The following NXN variants were observed in gnomAD, a reference collection of about 807,000 sequenced individuals.
The protein encoded by NXN is nucleoredoxin 1.
NXN carries 16 observed loss-of-function variants against 48.6 expected under a neutral mutation model. That is an observed-to-expected ratio of 0.33 (90% CI 0.22 to 0.50). The LOEUF (loss-of-function observed/expected upper bound fraction) is 0.50, where lower values mean the gene tolerates loss of function less well. NXN is among the 20% of genes least tolerant of loss of function. NXN has a pLI of 0.98. For synonymous variants in NXN, 281 were observed against 269.6 expected (o/e 1.04, Z -0.41); for missense variants, 492 against 605.5 (o/e 0.81, Z 1.97).
At chr17:817,235 T>C (rs1249776837) in intron 5 of NXN, among the ~76,000 whole-genome samples, 10 of 152,060 alleles carry the variant, frequency 6.6e-5, no homozygotes, top group Admixed American at 6.6e-4. Context: ...AATCCAAATC[T>C]CCATTTTCAG....
chr17:809,293 C>T (rs1983706), intron 5 of NXN, among the ~76,000 whole-genome samples: 4,198 of 152,276 alleles, frequency 0.028, 130 homozygotes, highest in East Asian at 0.12. Context: ...ACATGAGTGG[C>T]GCCTACAGAC....
intron 5 of NXN, among the ~76,000 whole-genome samples, chr17:811,966 CG>C (rs1163098958): frequency 2.9e-5 from 4 of 137,550 alleles, no homozygotes; most frequent in South Asian, 4.7e-4. Context: ...CTCGCTCTGT[CG>C]CCCAGGCTGG....
At chr17:824,121 G>C (rs957365217) in intron 2 of NXN, among the ~76,000 whole-genome samples, 22 of 150,110 alleles carry the variant, frequency 1.5e-4, no homozygotes, top group Admixed American at 1.0e-3. Flanking sequence ...CTCACTGCAA[G>C]CTCCGCCTCC....
intron 1 of NXN, among the ~76,000 whole-genome samples, chr17:971,699 G>C (rs1039299998): frequency 2.7e-5 from 4 of 150,522 alleles, no homozygotes; most frequent in African/African-American, 9.8e-5. Flanking sequence ...GACAGAGCGA[G>C]ACTCCATCTC....
Position 819,433 on chromosome 17 carries a change from G to A in NXN, c.820+6C>T, listed in dbSNP as rs767283690. ...GCCACACGGAGCCGGGGCCTGGAGC[G>A]CCTACCTTGGATTCCGTACAGCCGG... On this transcript the variant is annotated splice_donor_region_variant and intron_variant, in intron 5 of 7. Coordinates refer to ENST00000336868, the MANE Select transcript of NXN (RefSeq NM_022463.5). The A allele has an allele frequency of 7.4e-6, 12 of 1,611,842 alleles. No individual in the cohort carries two copies. The highest frequency in any genetic ancestry group is 3.3e-5 in the Admixed American group (2 of 59,996).
intron 1 of NXN, among the ~76,000 whole-genome samples, chr17:875,180 C>T (rs545914774): frequency 1.3e-4 from 20 of 151,986 alleles, no homozygotes; most frequent in East Asian, 3.9e-4. Context: ...TACAGGCGCA[C>T]GCCACCATGC....
At chr17:977,079 AAATCAGCACGTAGCTTTTGT>A (rs1267573213) in intron 1 of NXN, among the ~76,000 whole-genome samples, 12 of 152,126 alleles carry the variant, frequency 7.9e-5, no homozygotes, top group African/African-American at 2.9e-4. Context: ...ATTCCTTTTA[AAATCAGCACGTAGCTTTTGT>A]AATTTCCAAG....
Position 800,352 on chromosome 17 carries a change from G to A in NXN, c.*597C>T, listed in dbSNP as rs898355461. On this transcript the variant is annotated 3_prime_UTR_variant, in exon 8 of 8. Transcript: ENST00000336868. ...TTGTATGATATGAACCATTACCTTA[G>A]CTACATTTTTCTTCTCACCCAAAAA... 2.0e-5 allele frequency: 3 copies of A among 152,226 alleles called. No homozygotes were observed. Among genetic ancestry groups the A allele is most frequent in the African/African-American group, 4.8e-5 (2 of 41,456 alleles). 9.4% of individuals were successfully genotyped at this position (152,226 alleles called of 1,614,324 possible).
chr17:881,062 C>T (rs1411336343), intron 1 of NXN, among the ~76,000 whole-genome samples: 1 of 152,054 alleles, frequency 6.6e-6, no homozygotes, highest in Non-Finnish European at 1.5e-5. Flanking sequence ...TGAACAGACA[C>T]GTCCAGAAAG....
At chr17:890,644 G>C (rs1006745560) in intron 1 of NXN, among the ~76,000 whole-genome samples, 20 of 152,086 alleles carry the variant, frequency 1.3e-4, no homozygotes, top group African/African-American at 4.8e-4. Flanking sequence ...GCCGCCCAAA[G>C]TGCTGGGATT....
At chr17:947,040 G>T (rs1265742074) in intron 1 of NXN, among the ~76,000 whole-genome samples, 1 of 152,140 alleles carries the variant, frequency 6.6e-6, no homozygotes, top group African/African-American at 2.4e-5. Flanking sequence ...GAGGAGAGAC[G>T]ATACACGCCA....
intron 1 of NXN, among the ~76,000 whole-genome samples, chr17:930,840 C>T (rs924684562): frequency 2.0e-5 from 3 of 150,502 alleles, no homozygotes; most frequent in Non-Finnish European, 3.0e-5. Context: ...GGTGCGATCT[C>T]GGCTCACTGC....
chr17:831,554 GCTCACTGCAACCTCCC>G (rs1423151949), intron 1 of NXN, among the ~76,000 whole-genome samples: 1 of 151,484 alleles, frequency 6.6e-6, no homozygotes, highest in Non-Finnish European at 1.5e-5. Flanking sequence ...TGCAACCTCC[GCTCACTGCAACCTCCC>G]CTCATTGCAA....
rs3851780 is a variant in NXN at position 954,240 on chromosome 17, G to T, written c.360+25079C>A. On this transcript the variant is annotated intron_variant, in intron 1 of 7. Transcript: ENST00000336868. ...TAAAAATACAAAAAAACTTAGCCAGGTGTGGTGGTGCACGTCTGTAGTCCC... is the reference window on the plus strand; with the variant it reads ...TAAAAATACAAAAAAACTTAGCCAGTTGTGGTGGTGCACGTCTGTAGTCCC... 0.018 allele frequency among the ~76,000 whole-genome samples: 2,750 copies of T among 152,114 alleles called. 213 individuals are homozygous for T. The East Asian group carries it at 0.26, about 14-fold the overall frequency.
chr17:932,779 C>G lies in NXN; in HGVS notation c.360+46540G>C, dbSNP rs2068868304. 6.6e-6 allele frequency among the ~76,000 whole-genome samples: 1 copy of G among 152,162 alleles called. No homozygotes were observed. Among genetic ancestry groups the G allele is most frequent in the South Asian group, 2.1e-4 (1 of 4,832 alleles). ...GAGTGCCTTGTTGTGGCCGGCTTCG[C>G]ATAAGTCATCTGCGCCCGCCACCAC... On this transcript the variant is annotated intron_variant, in intron 1 of 7. Coordinates refer to ENST00000336868, the MANE Select transcript of NXN (RefSeq NM_022463.5). This position sits in a 1 kb window ranked among gnomAD's most constrained non-coding sequence, Gnocchi z 4.1.
At chr17:858,848 TTGGAGTTCC>T (rs1220296391) in intron 1 of NXN, among the ~76,000 whole-genome samples, 1 of 152,202 alleles carries the variant, frequency 6.6e-6, no homozygotes, top group African/African-American at 2.4e-5. Context: ...TTAGAACAGA[TTGGAGTTCC>T]TGCTCTTCCC....
intron 1 of NXN, among the ~76,000 whole-genome samples, chr17:866,806 T>C (rs531907665): frequency 1.3e-5 from 2 of 152,394 alleles, no homozygotes; most frequent in East Asian, 3.9e-4. Context: ...GTTTGTGATC[T>C]GAAAATACAT....
Position 845,889 on chromosome 17 carries a change from C to T in NXN, c.361-19811G>A, listed in dbSNP as rs958043214. On this transcript the variant is annotated intron_variant, in intron 1 of 7. Coordinates refer to ENST00000336868, the MANE Select transcript of NXN (RefSeq NM_022463.5). The stretch of plus-strand genomic sequence containing the variant: ...ACCAGCCTGGCCAACATGGCAAAAC[C>T]CCGTCTCTACTAAAAATACAAAAAT... Among the ~76,000 whole-genome samples the T allele has an allele frequency of 2.6e-5, 4 of 152,250 alleles. No individual in the cohort carries two copies. The East Asian group carries it at 7.7e-4, about 29-fold the overall frequency.
intron 1 of NXN, among the ~76,000 whole-genome samples, chr17:885,049 G>C (rs768562412): frequency 1.3e-5 from 2 of 152,198 alleles, no homozygotes; most frequent in African/African-American, 2.4e-5. Context: ...AGACCAAGCG[G>C]AGCTGAGTCA....
Sources: gnomAD v4.1 joint callset for allele counts (sites outside exome capture counted in the v4.1 genomes callset) on GRCh38, gnomAD v4.1.1 for gene constraint, Gnocchi (gnomAD v3.1) non-coding constraint, MANE v1.5 for transcripts, NCBI Gene and HGNC (gene_info 2026-07-23, HGNC 2026-07-21) for gene names.